Variants in C8orf34 observed in about 807,000 individuals in gnomAD.
The protein encoded by C8orf34 is chromosome 8 open reading frame 34, also known as uncharacterized protein C8orf34.
A neutral mutation model predicts 68.3 loss-of-function variants in C8orf34; 65 were observed. The ratio of observed to expected loss-of-function variants is 0.95; its 90% CI spans 0.78 to 1.17. The LOEUF (loss-of-function observed/expected upper bound fraction) is 1.17, where lower values mean the gene tolerates loss of function less well. Ranked by LOEUF, C8orf34 falls within the 50% of genes most tolerant of loss-of-function variation. The pLI, the probability that C8orf34 is intolerant of heterozygous loss-of-function variation, is 0.00. For synonymous variants in C8orf34, 244 were observed against 241.2 expected, an observed-to-expected ratio of 1.01 and a Z score of -0.11; for missense variants, 664 against 655.4, an observed-to-expected ratio of 1.01 and a Z score of -0.14.
At chr8:68,518,326 T>G (rs554846583) in intron 5 of C8orf34, among the ~76,000 whole-genome samples, 1 of 152,292 alleles carries the variant, frequency 6.6e-6, no homozygotes, top group Admixed American at 6.5e-5. Context: ...AAAACACACA[T>G]GTGGGGCCAT....
chr8:68,761,973 T>A (rs1298166762), intron 10 of C8orf34, among the ~76,000 whole-genome samples: 2 of 152,358 alleles, frequency 1.3e-5, no homozygotes, highest in East Asian at 3.9e-4. Flanking sequence ...TTTGAAAATG[T>A]GTTGTTGTAC....
At chr8:68,417,866 T>C (rs1406599034) in intron 1 of C8orf34, among the ~76,000 whole-genome samples, 1 of 151,838 alleles carries the variant, frequency 6.6e-6, no homozygotes, top group African/African-American at 2.4e-5. Context: ...TGGCATTGAA[T>C]CTGTAAATTA....
At position 68,673,940 on chromosome 8, in the gene C8orf34, C is replaced by T. The variant is rs148970947; in HGVS notation, c.1241+33429C>T. 1.4e-4 allele frequency among the ~76,000 whole-genome samples: 22 copies of T among 152,208 alleles called. 1 individual carries two copies. The highest frequency in any genetic ancestry group is 3.1e-4 in the African/African-American group (13 of 41,532). On this transcript the variant is annotated intron_variant, in intron 8 of 13. Transcript: ENST00000518698. ...TCCAGGCAGCTCAACACACAGCAAG[C>T]GACTTTGTTTGTTTGGGAGAAATTA...
intron 10 of C8orf34, among the ~76,000 whole-genome samples, chr8:68,739,919 G>A (rs1410541664): frequency 1.3e-5 from 2 of 152,090 alleles, no homozygotes; most frequent in African/African-American, 4.8e-5. Context: ...CAGACACATA[G>A]ACCAGAATAG....
intron 3 of C8orf34, among the ~76,000 whole-genome samples, chr8:68,458,467 C>G (rs186968397): frequency 6.6e-6 from 1 of 152,098 alleles, no homozygotes; most frequent in East Asian, 1.9e-4. Flanking sequence ...ACCAAAAAAC[C>G]TGAGTTCTTA....
At chr8:68,577,469 C>T (rs899586311) in intron 7 of C8orf34, among the ~76,000 whole-genome samples, 1 of 151,824 alleles carries the variant, frequency 6.6e-6, no homozygotes, top group Middle Eastern at 3.4e-3. Context: ...TACCAATTTG[C>T]ACTTGGAAAT....
chr8:68,734,634 C>T (rs1822073211), intron 10 of C8orf34, among the ~76,000 whole-genome samples: 1 of 152,152 alleles, frequency 6.6e-6, no homozygotes, highest in African/African-American at 2.4e-5. Flanking sequence ...AAACCTCTTC[C>T]TACAGGATAT....
intron 7 of C8orf34, among the ~76,000 whole-genome samples, chr8:68,614,550 T>C (rs1317308584): frequency 2.6e-5 from 4 of 152,224 alleles, no homozygotes; most frequent in East Asian, 3.9e-4. Context: ...TAGGGAATCC[T>C]TTCCCCATTG....
chr8:68,458,784 T>C (rs1811660136), intron 3 of C8orf34, among the ~76,000 whole-genome samples: 1 of 152,242 alleles, frequency 6.6e-6, no homozygotes, highest in Non-Finnish European at 1.5e-5. Context: ...TCTCTGCTGC[T>C]AGCACACTGG....
At chr8:68,766,398 G>T (rs1488756884) in intron 10 of C8orf34, among the ~76,000 whole-genome samples, 4 of 152,136 alleles carry the variant, frequency 2.6e-5, no homozygotes, top group Non-Finnish European at 1.5e-5. Context: ...ATTTATACAG[G>T]TACTTTACAA....
chr8:68,458,940 A>G (rs1811665338), intron 3 of C8orf34, among the ~76,000 whole-genome samples: 1 of 152,182 alleles, frequency 6.6e-6, no homozygotes, highest in South Asian at 2.1e-4. Flanking sequence ...TGACAATGTA[A>G]AATATACAGA....
At chr8:68,402,709 G>A (rs1809011776) in intron 1 of C8orf34, among the ~76,000 whole-genome samples, 1 of 152,028 alleles carries the variant, frequency 6.6e-6, no homozygotes, top group Non-Finnish European at 1.5e-5. Flanking sequence ...TCCAATATTT[G>A]TATAGTTTCC....
intron 1 of C8orf34, among the ~76,000 whole-genome samples, chr8:68,378,391 T>C (rs1199920007): frequency 6.6e-6 from 1 of 152,114 alleles, no homozygotes; most frequent in Non-Finnish European, 1.5e-5. Flanking sequence ...CTAGGCTCAT[T>C]GCAGCCTTGG....
At chr8:68,675,864 A>G (rs542131470) in intron 8 of C8orf34, among the ~76,000 whole-genome samples, 1 of 152,346 alleles carries the variant, frequency 6.6e-6, no homozygotes, top group East Asian at 1.9e-4. Context: ...ACCTGTAAAG[A>G]CACACAGACT....
chr8:68,339,307 A>G (rs1805977792), intron 1 of C8orf34, among the ~76,000 whole-genome samples: 2 of 152,038 alleles, frequency 1.3e-5, no homozygotes, highest in Non-Finnish European at 2.9e-5. Flanking sequence ...GATGCAAGGT[A>G]TCTTTTACAA....
chr8:68,533,539 G>T, intron 7 of C8orf34: 4 of 986,648 alleles, frequency 4.1e-6, no homozygotes, highest in Non-Finnish European at 4.8e-6. Context: ...ACTCCAAAAT[G>T]TCTACCTTTT....
intron 3 of C8orf34, among the ~76,000 whole-genome samples, chr8:68,461,074 A>G (rs1262922736): frequency 6.6e-6 from 1 of 152,210 alleles, no homozygotes; most frequent in Non-Finnish European, 1.5e-5. Context: ...AACTAGAATA[A>G]CCAATACAGA....
chr8:68,644,409 T>G (rs1191920458), intron 8 of C8orf34, among the ~76,000 whole-genome samples: 1 of 152,190 alleles, frequency 6.6e-6, no homozygotes, highest in African/African-American at 2.4e-5. Flanking sequence ...TTAATGAAAC[T>G]TCCAGGGAGG....
chr8:68,767,565 A>G (rs1407032332), intron 10 of C8orf34, among the ~76,000 whole-genome samples: 1 of 152,218 alleles, frequency 6.6e-6, no homozygotes, highest in African/African-American at 2.4e-5. Context: ...TCAGTTCTCT[A>G]TATTTTTCTG....
Sources: allele counts gnomAD v4.1 joint callset (sites outside exome capture counted in the v4.1 genomes callset), GRCh38; gene constraint gnomAD v4.1.1; transcripts MANE v1.5; gene names NCBI Gene and HGNC (gene_info 2026-07-23, HGNC 2026-07-21).